The following PSCA variants were observed in gnomAD, a reference collection of about 807,000 sequenced individuals.
PSCA encodes prostate stem cell antigen.
A neutral mutation model predicts 7.9 loss-of-function variants in PSCA; 7 were observed. The observed-to-expected ratio is 0.89, with a 90% CI of 0.51 to 1.67. PSCA has a LOEUF of 1.67. Ranked by LOEUF, PSCA falls within the 40% of genes most tolerant of loss-of-function variation. The pLI, the probability that PSCA is intolerant of heterozygous loss-of-function variation, is 0.00. For synonymous variants in PSCA, 61 were observed against 68.3 expected (o/e 0.89, Z 0.53); for missense variants, 151 against 147.9 (o/e 1.02, Z -0.11).
At chr8:142,675,609 A>G (rs1331325181), upstream of PSCA, among the ~76,000 whole-genome samples, 1 of 152,188 alleles carries the variant, frequency 6.6e-6, no homozygotes, top group Non-Finnish European at 1.5e-5. Flanking sequence ...ATTTACACAC[A>G]TGCCACACAT....
At chr8:142,674,221 AC>A (rs1291038601) in intron 1 of PSCA, among the ~76,000 whole-genome samples, 2 of 146,052 alleles carry the variant, frequency 1.4e-5, no homozygotes, top group African/African-American at 5.2e-5. Context: ...CTAATGAATA[AC>A]GGCTGGGAAT....
Position 142,673,571 on chromosome 8 carries a change from C to T in PSCA, n.261+3003C>T, listed in dbSNP as rs1252068204. 2.6e-5 allele frequency among the ~76,000 whole-genome samples: 4 copies of T among 152,298 alleles called. No individual in the cohort carries two copies. The highest frequency in any genetic ancestry group is 1.9e-4 in the East Asian group (1 of 5,188). On this transcript the variant is annotated intron_variant and non_coding_transcript_variant, in intron 1 of 1. Transcript: ENST00000505305. The surrounding 1 kb of genome is among the most constrained non-coding windows in gnomAD (Gnocchi z 4.6). ...TTTAATTCATGCAGAGCCAGCTGAA[C>T]GGGAGACCAGAGTTTTATCATCACT...
chr8:142,672,162 C>T (rs1437562747), intron 1 of PSCA, among the ~76,000 whole-genome samples: 1 of 152,070 alleles, frequency 6.6e-6, no homozygotes, highest in Non-Finnish European at 1.5e-5. Context: ...AACGGCAGCT[C>T]ACCTTGCTAT....
At chr8:142,670,964 C>T (rs1847312991) in intron 1 of PSCA, among the ~76,000 whole-genome samples, 1 of 152,196 alleles carries the variant, frequency 6.6e-6, no homozygotes, top group South Asian at 2.1e-4. Flanking sequence ...CACACATCTT[C>T]CCGTATACGT....
At chr8:142,680,762 T>C (rs1032193505) in intron 1 of PSCA, 199 bp downstream of exon 1, 1 of 687,976 alleles carries the variant, frequency 1.5e-6, no homozygotes, top group South Asian at 1.9e-5. Context: ...TGCCGTCCCC[T>C]GTGACCGGGG....
At chr8:142,677,260 C>T (rs79360364), upstream of PSCA, among the ~76,000 whole-genome samples, 1,267 of 152,298 alleles carry the variant, frequency 8.3e-3, 20 homozygotes, top group African/African-American at 0.029. Flanking sequence ...ACCACGGGGC[C>T]ATCCTCAGAC....
At chr8:142,676,429 G>C (rs797032925), upstream of PSCA, 3 of 152,262 alleles carry the variant, frequency 2.0e-5, no homozygotes, top group Non-Finnish European at 2.9e-5. Context: ...GGACAGGAAG[G>C]CTGGTTCCAT....
intron 2 of PSCA, chr8:142,681,639 A>ATCCTCCATCTTCCAC: frequency 1.6e-6 from 1 of 617,886 alleles, no homozygotes; most frequent in East Asian, 2.8e-5. Context: ...GTCCCTCCCC[A>ATCCTCCATCTTCCAC]TCCTCCATCT....
upstream of PSCA, among the ~76,000 whole-genome samples, chr8:142,678,387 G>C (rs1255956363): frequency 6.6e-6 from 1 of 152,224 alleles, no homozygotes; most frequent in Non-Finnish European, 1.5e-5. Context: ...AGGAACAACA[G>C]CATACCCAAG....
chr8:142,679,640 CT>C (rs1414290598), upstream of PSCA, among the ~76,000 whole-genome samples: 1 of 152,168 alleles, frequency 6.6e-6, no homozygotes, highest in Non-Finnish European at 1.5e-5. Flanking sequence ...GAACTGGGGG[CT>C]TCCAGGTTAT....
chr8:142,681,807 C>T (rs1410577824), intron 2 of PSCA, 114 bp from the exon 3 acceptor site: 5 of 781,004 alleles, frequency 6.4e-6, no homozygotes, highest in African/African-American at 5.3e-5. Context: ...AATCCTGAGG[C>T]CAGCCCAGGG....
At chr8:142,676,561 A>G (rs1847403690), upstream of PSCA, 2 of 152,252 alleles carry the variant, frequency 1.3e-5, no homozygotes, top group South Asian at 2.1e-4. Flanking sequence ...CTGATCCCCA[A>G]GATGCATGGG....
rs1847450142 is a variant in PSCA at position 142,680,552 on chromosome 8, C to A, written c.14C>A (p.Ala5Asp). The change falls in exon 1 of 3, where the codon GCC (alanine) becomes GAC (aspartate). Residue 5 changes from alanine to aspartate, a missense_variant. Ala to Asp is a moderately radical substitution (Grantham distance 126, BLOSUM62 -2). Coordinates refer to ENST00000301258, the MANE Select transcript of PSCA (RefSeq NM_005672.5). ...CTTGCCCTGTTGATGGCAGGCTTGG[C>A]CCTGCAGCCAGGTGAGGCCTTGGCT... MAGLALQPGTALLCY... is the reference protein window; with the variant it reads MAGLDLQPGTALLCY... 1.3e-6 allele frequency: 2 copies of A among 1,554,086 alleles called. No individual in the cohort carries two copies. The highest frequency in any genetic ancestry group is 4.8e-5 in the East Asian group (2 of 41,268).
upstream of PSCA, among the ~76,000 whole-genome samples, chr8:142,676,887 G>GT (rs1331204272): frequency 6.6e-6 from 1 of 152,240 alleles, no homozygotes; most frequent in Non-Finnish European, 1.5e-5. Flanking sequence ...CATGCCCCTT[G>GT]TGGCAGAACT....
At position 142,682,234 on chromosome 8, in the gene PSCA, A is replaced by T. The variant is rs911062974; in HGVS notation, c.*102A>T. On this transcript the variant is annotated 3_prime_UTR_variant, in exon 3 of 3. Transcript: ENST00000301258. ...CAGTGGGAGCCTGTCCTGGTTCCTG[A>T]GGCACATCCTAACGCAAGTCTGACC... 28 of 1,368,352 alleles carry T rather than the reference A, an allele frequency of 2.0e-5. No homozygotes were observed. The Admixed American group carries it at 4.1e-4, about 20-fold the overall frequency. The allele number at this position is 1,368,352 out of a possible 1,614,324, so 84.8% of individuals were successfully genotyped here.
intron 1 of PSCA, among the ~76,000 whole-genome samples, chr8:142,672,906 C>G (rs1417013231): frequency 6.6e-6 from 1 of 152,092 alleles, no homozygotes; most frequent in Non-Finnish European, 1.5e-5. Flanking sequence ...GCTGGTCGCC[C>G]CACCCTAATC....
At chr8:142,677,319 G>C (rs587606222), upstream of PSCA, among the ~76,000 whole-genome samples, 69 of 152,300 alleles carry the variant, frequency 4.5e-4, 1 homozygote, top group East Asian at 0.011. Flanking sequence ...ATTCTGTGGT[G>C]GGGATCCTGT....
At chr8:142,679,298 G>C (rs1246393967), upstream of PSCA, among the ~76,000 whole-genome samples, 2 of 152,216 alleles carry the variant, frequency 1.3e-5, no homozygotes. Context: ...AAGCTGAGGG[G>C]GTCACTCAAG....
At position 142,673,524 on chromosome 8, in the gene PSCA, G is replaced by A. The variant is rs73714659; in HGVS notation, n.261+2956G>A. Among the ~76,000 whole-genome samples, 8,941 of 152,244 alleles carry A rather than the reference G, an allele frequency of 0.059. 550 individuals carry two copies. The highest frequency in any genetic ancestry group is 0.15 in the African/African-American group (6,274 of 41,514). On this transcript the variant is annotated intron_variant and non_coding_transcript_variant, in intron 1 of 1. Coordinates refer to the PSCA transcript ENST00000505305. The surrounding 1 kb of genome is among the most constrained non-coding windows in gnomAD (Gnocchi z 4.6). ...AGATAGAGCTGATTTAGCAAGACAG[G>A]GGAATTGCCATAGAGAAAGAGTTTA...
Sources: gnomAD v4.1 joint callset for allele counts (sites outside exome capture counted in the v4.1 genomes callset) on GRCh38, gnomAD v4.1.1 for gene constraint, Gnocchi (gnomAD v3.1) non-coding constraint, MANE v1.5 for transcripts, NCBI Gene and HGNC (gene_info 2026-07-23, HGNC 2026-07-21) for gene names.